EPS8: variants seen among roughly 807,000 people sequenced by gnomAD.
The protein encoded by EPS8 is EGFR pathway substrate 8, signaling adaptor.
A neutral mutation model predicts 103.8 loss-of-function variants in EPS8; 42 were observed. That is an observed-to-expected ratio of 0.40 (90% CI 0.32 to 0.52). The LOEUF (loss-of-function observed/expected upper bound fraction) is 0.52. EPS8 is among the 20% of genes least tolerant of loss of function. The pLI is 0.40. For synonymous variants in EPS8, 344 were observed against 344.6 expected, an observed-to-expected ratio of 1.00 and a Z score of 0.02; for missense variants, 969 against 1,005.1, an observed-to-expected ratio of 0.96 and a Z score of 0.49.
intron 1 of EPS8, among the ~76,000 whole-genome samples, chr12:15,774,538 G>A (rs1240346647): frequency 1.3e-5 from 2 of 148,942 alleles, no homozygotes; most frequent in African/African-American, 4.9e-5. Context: ...TAAGGGAAAG[G>A]TTACAGGTTT....
At chr12:15,712,650 T>G (rs1256923281) in intron 1 of EPS8, among the ~76,000 whole-genome samples, 1 of 152,166 alleles carries the variant, frequency 6.6e-6, no homozygotes, top group Non-Finnish European at 1.5e-5. Flanking sequence ...GGCAAGACCC[T>G]GAGGAGACTG....
chr12:15,682,146 G>A (rs977734597), intron 2 of EPS8, among the ~76,000 whole-genome samples: 1 of 152,152 alleles, frequency 6.6e-6, no homozygotes, highest in South Asian at 2.1e-4. Flanking sequence ...GAAAAGGTAC[G>A]TGGAACTGAC....
rs1441307967 is a variant in EPS8, at chr12:15,749,434, A to G, written c.-22+39727T>C. On this transcript the variant is annotated intron_variant, in intron 1 of 20. Coordinates refer to ENST00000281172, the MANE Select transcript of EPS8 (RefSeq NM_004447.6). This position sits in a 1 kb window ranked among gnomAD's most constrained non-coding sequence, Gnocchi z 4.0. ...AATGCTAAGCAAAGGGCCTGCACAT[A>G]ATAGAGCTCAATAATCATTTGCCTA... Among the ~76,000 whole-genome samples, 1 of 152,168 alleles carries G rather than the reference A, an allele frequency of 6.6e-6. No homozygotes were observed. Among genetic ancestry groups the G allele is most frequent in the African/African-American group, 2.4e-5 (1 of 41,418 alleles).
chr12:15,705,027 T>C (rs1459991480), intron 1 of EPS8, among the ~76,000 whole-genome samples: 5 of 152,218 alleles, frequency 3.3e-5, no homozygotes, highest in Non-Finnish European at 5.9e-5. Flanking sequence ...TATTCTACTT[T>C]AATAAAGATC....
chr12:15,739,986 C>G (rs907484214), intron 1 of EPS8, among the ~76,000 whole-genome samples: 36 of 152,182 alleles, frequency 2.4e-4, no homozygotes, highest in Admixed American at 5.9e-4. Flanking sequence ...CTTACATTCT[C>G]TGACACACAG....
chr12:15,662,853 C>T (rs12319790), intron 8 of EPS8: 4,644 of 157,400 alleles, frequency 0.03, 276 homozygotes, highest in African/African-American at 0.11. Flanking sequence ...ACAACAGAAA[C>T]GTAACACCAC....
chr12:15,763,285 A>G (rs748784048), intron 1 of EPS8, among the ~76,000 whole-genome samples: 1 of 152,148 alleles, frequency 6.6e-6, no homozygotes, highest in Non-Finnish European at 1.5e-5. Flanking sequence ...CAAACATTAA[A>G]CTTTCCAAGT....
intron 3 of EPS8, 42 bp downstream of exon 3, chr12:15,681,184 G>T: frequency 9.7e-7 from 1 of 1,031,926 alleles, no homozygotes; most frequent in Non-Finnish European, 1.4e-6. Flanking sequence ...TGTAAAAAGT[G>T]GTTAGAAACA....
Position 15,769,754 on chromosome 12 carries a change from A to C in EPS8, c.-22+19407T>G, listed in dbSNP as rs757966912. On this transcript the variant is annotated intron_variant, in intron 1 of 20. Transcript: ENST00000281172. This position sits in a 1 kb window ranked among gnomAD's most constrained non-coding sequence, Gnocchi z 4.6. ...TTGTCTAACACTAGCATTCACGAGA[A>C]TCTGATCACAGAGCAAAATAAATTG... Among the ~76,000 whole-genome samples, 2 of 152,176 alleles carry C rather than the reference A, an allele frequency of 1.3e-5. No homozygotes were observed. Among genetic ancestry groups the C allele is most frequent in the Non-Finnish European group, 2.9e-5 (2 of 68,022 alleles).
Position 15,776,675 on chromosome 12 carries a change from G to A in EPS8, c.-22+12486C>T, listed in dbSNP as rs1947209415. ...TCAATATACACTTAAATAATATATT[G>A]TTCCTTACAGCATATAATCAAAGTT... On this transcript the variant is annotated intron_variant, in intron 1 of 20. Coordinates refer to ENST00000281172, the MANE Select transcript of EPS8 (RefSeq NM_004447.6). The surrounding 1 kb of genome is among the most constrained non-coding windows in gnomAD (Gnocchi z 4.2). Among the ~76,000 whole-genome samples, 1 of 152,054 alleles carries A rather than the reference G, an allele frequency of 6.6e-6. No individual in the cohort carries two copies. The highest frequency in any genetic ancestry group is 1.5e-5 in the Non-Finnish European group (1 of 68,010).
intron 6 of EPS8, among the ~76,000 whole-genome samples, chr12:15,668,227 G>A (rs1945751122): frequency 6.6e-6 from 1 of 152,098 alleles, no homozygotes; most frequent in Non-Finnish European, 1.5e-5. Context: ...TCTTTTAGAA[G>A]AAGGTTTTTA....
At chr12:15,668,932 C>T (rs1945763859) in intron 6 of EPS8, among the ~76,000 whole-genome samples, 1 of 152,152 alleles carries the variant, frequency 6.6e-6, no homozygotes, top group South Asian at 2.1e-4. Context: ...CAATCTGTTG[C>T]CCAGGCTGGA....
At position 15,702,373 on chromosome 12, in the gene EPS8, G is replaced by C. The variant is rs921159180; in HGVS notation, c.-21-19401C>G. ...GCACTGGAAATTAATTCATTCTTTT[G>C]AGTTAAGCATTTTCATCCATAGGAA... is the stretch of plus-strand genomic sequence containing the variant. On this transcript the variant is annotated intron_variant, in intron 1 of 20. Coordinates refer to ENST00000281172, the MANE Select transcript of EPS8 (RefSeq NM_004447.6). This position sits in a 1 kb window ranked among gnomAD's most constrained non-coding sequence, Gnocchi z 5.1. 1.3e-5 allele frequency among the ~76,000 whole-genome samples: 2 copies of C among 152,134 alleles called. No homozygotes were observed. The highest frequency in any genetic ancestry group is 4.8e-5 in the African/African-American group (2 of 41,424).
intron 17 of EPS8, among the ~76,000 whole-genome samples, chr12:15,633,200 T>G (rs1421583894): frequency 6.6e-6 from 1 of 152,164 alleles, no homozygotes; most frequent in Non-Finnish European, 1.5e-5. Context: ...TTGTTATTAT[T>G]ATTCCCCACA....
intron 18 of EPS8, among the ~76,000 whole-genome samples, chr12:15,626,483 G>A (rs767253294): frequency 4.5e-4 from 68 of 151,920 alleles, no homozygotes; most frequent in Non-Finnish European, 7.9e-4. Context: ...ACAAAAATTA[G>A]CTGGGCGTGG....
intron 18 of EPS8, among the ~76,000 whole-genome samples, chr12:15,625,528 T>G (rs1944930232): frequency 6.6e-6 from 1 of 152,202 alleles, no homozygotes; most frequent in Admixed American, 6.5e-5. Flanking sequence ...TTTCTCTTAA[T>G]GTCGCCGAAA....
Position 15,780,082 on chromosome 12 carries a change from TGCTACATAAAGA to T in EPS8, c.-22+9067_-22+9078del, listed in dbSNP as rs977984869. The stretch of plus-strand genomic sequence containing the variant: ...CTGAAAAAGAACACATGAATTTGTT[TGCTACATAAAGA>T]GCTACATTTAGAAGGCCATGTGACT... On this transcript the variant is annotated intron_variant, in intron 1 of 20. Transcript: ENST00000281172. This position sits in a 1 kb window ranked among gnomAD's most constrained non-coding sequence, Gnocchi z 4.1. 1 of 152,196 alleles carries T rather than the reference TGCTACATAAAGA, an allele frequency of 6.6e-6. No individual in the cohort carries two copies. The highest frequency in any genetic ancestry group is 1.5e-5 in the Non-Finnish European group (1 of 68,028). The allele number at this position is 152,196 out of a possible 1,614,324, so 9.4% of individuals were successfully genotyped here.
chr12:15,712,769 G>A (rs2135962306), intron 1 of EPS8: 2 of 624,782 alleles, frequency 3.2e-6, no homozygotes, highest in Admixed American at 1.3e-4. Flanking sequence ...CATGTTTCAA[G>A]GTCTACAAAT....
intron 1 of EPS8, chr12:15,683,687 A>G (rs1427881209): frequency 6.6e-6 from 1 of 152,210 alleles, no homozygotes; most frequent in African/African-American, 2.4e-5. Context: ...CAGATTGAAC[A>G]AACTTCCTTC....
Sources: gnomAD v4.1 joint callset for allele counts (sites outside exome capture counted in the v4.1 genomes callset) on GRCh38, gnomAD v4.1.1 for gene constraint, Gnocchi (gnomAD v3.1) non-coding constraint, MANE v1.5 for transcripts, NCBI Gene and HGNC (gene_info 2026-07-23, HGNC 2026-07-21) for gene names.